Variants in RAP1A observed in about 807,000 individuals in gnomAD.
RAP1A encodes the protein RAP1A, member of RAS oncogene family, also known as ras-related protein Rap-1A.
Under a neutral mutation model 26.4 loss-of-function variants are expected in RAP1A, and 6 were observed. The observed-to-expected ratio is 0.23, with a 90% CI of 0.12 to 0.45. RAP1A has a LOEUF of 0.45. Ranked by LOEUF, RAP1A falls within the 20% of genes least tolerant of loss-of-function variation. The pLI, the probability that RAP1A is intolerant of heterozygous loss-of-function variation, is 0.99. For synonymous variants in RAP1A, 73 were observed against 79.4 expected (o/e 0.92, Z 0.43); for missense variants, 121 against 217.2 (o/e 0.56, Z 2.78).
At chr1:111,708,771 A>ATG (rs1662279390) in intron 6 of RAP1A, among the ~76,000 whole-genome samples, 1 of 152,110 alleles carries the variant, frequency 6.6e-6, no homozygotes, top group African/African-American at 2.4e-5. Context: ...GTGTGTGTGC[A>ATG]CGTGTGTGTG....
intron 1 of RAP1A, among the ~76,000 whole-genome samples, chr1:111,632,015 T>G (rs1016598453): frequency 1.3e-5 from 2 of 152,186 alleles, no homozygotes. Flanking sequence ...TATTCTGAAA[T>G]GAGGTGATGG....
intron 1 of RAP1A, among the ~76,000 whole-genome samples, chr1:111,652,017 A>T (rs2101137879): frequency 6.6e-6 from 1 of 151,962 alleles, no homozygotes; most frequent in East Asian, 1.9e-4. Context: ...TCTGTCACCC[A>T]GGCTAAAGTG....
intron 1 of RAP1A, among the ~76,000 whole-genome samples, chr1:111,670,315 T>C (rs1263564137): frequency 2.6e-5 from 4 of 151,052 alleles, no homozygotes; most frequent in Non-Finnish European, 5.9e-5. Flanking sequence ...CTACCAAAAA[T>C]ACAAAAAAAT....
chr1:111,612,741 G>A (rs550406384), intron 1 of RAP1A, among the ~76,000 whole-genome samples: 1 of 152,176 alleles, frequency 6.6e-6, no homozygotes, highest in South Asian at 2.1e-4. Context: ...TTACAAACCT[G>A]GATGTTTATA....
intron 1 of RAP1A, among the ~76,000 whole-genome samples, chr1:111,592,890 T>C (rs1658494870): frequency 6.6e-6 from 1 of 152,070 alleles, no homozygotes; most frequent in South Asian, 2.1e-4. Context: ...GTAAAGTGGC[T>C]GAAGAGTAAT....
At chr1:111,653,966 A>G (rs1660368245) in intron 1 of RAP1A, among the ~76,000 whole-genome samples, 2 of 152,194 alleles carry the variant, frequency 1.3e-5, no homozygotes, top group African/African-American at 4.8e-5. Context: ...GAGAAGTGGC[A>G]AGATGTAAGT....
intron 1 of RAP1A, among the ~76,000 whole-genome samples, chr1:111,650,753 A>G (rs144897521): frequency 5.3e-5 from 8 of 152,070 alleles, no homozygotes; most frequent in Middle Eastern, 3.4e-3. Flanking sequence ...TGTATATTCT[A>G]TGGGTTTGGA....
At chr1:111,658,140 G>A (rs555691015) in intron 1 of RAP1A, among the ~76,000 whole-genome samples, 85 of 152,200 alleles carry the variant, frequency 5.6e-4, no homozygotes, top group African/African-American at 1.6e-3. Flanking sequence ...GGATACGTTC[G>A]GAGAAATATA....
chr1:111,642,413 T>C (rs1659918528), intron 1 of RAP1A, among the ~76,000 whole-genome samples: 1 of 152,154 alleles, frequency 6.6e-6, no homozygotes, highest in Non-Finnish European at 1.5e-5. Flanking sequence ...TGTAGTCTAT[T>C]TTCTAACATT....
intron 1 of RAP1A, among the ~76,000 whole-genome samples, chr1:111,683,466 A>G (rs920497731): frequency 6.6e-6 from 1 of 152,224 alleles, no homozygotes; most frequent in African/African-American, 2.4e-5. Context: ...ATGCAATAAA[A>G]AGTGATAAAG....
intron 1 of RAP1A, among the ~76,000 whole-genome samples, chr1:111,665,593 G>A (rs1660777497): frequency 6.6e-6 from 1 of 152,116 alleles, no homozygotes; most frequent in Non-Finnish European, 1.5e-5. Flanking sequence ...TTAAGTAGAT[G>A]GTAATACATT....
intron 1 of RAP1A, among the ~76,000 whole-genome samples, chr1:111,582,401 T>C (rs147830234): frequency 6.6e-6 from 1 of 152,352 alleles, no homozygotes; most frequent in Non-Finnish European, 1.5e-5. Flanking sequence ...CCCTATCCTC[T>C]GTTTTACACT....
intron 2 of RAP1A, among the ~76,000 whole-genome samples, chr1:111,693,650 G>A (rs1347788465): frequency 6.6e-6 from 1 of 152,188 alleles, no homozygotes; most frequent in African/African-American, 2.4e-5. Context: ...TCTTATTAAT[G>A]TCTGGCTTAT....
intron 1 of RAP1A, among the ~76,000 whole-genome samples, chr1:111,651,600 C>T (rs892708609): frequency 5.9e-5 from 9 of 151,858 alleles, no homozygotes; most frequent in African/African-American, 2.2e-4. Flanking sequence ...CCTTAGCCTC[C>T]CGAGTAGCTG....
intron 1 of RAP1A, among the ~76,000 whole-genome samples, chr1:111,665,202 A>G (rs1660765355): frequency 6.6e-6 from 1 of 152,196 alleles, no homozygotes; most frequent in Admixed American, 6.5e-5. Flanking sequence ...TTAGCTGGAT[A>G]ATAGTTTGAA....
intron 1 of RAP1A, among the ~76,000 whole-genome samples, chr1:111,621,922 C>T (rs552638289): frequency 1.3e-5 from 2 of 152,148 alleles, no homozygotes; most frequent in Admixed American, 1.3e-4. Flanking sequence ...CTTAATATAC[C>T]CCAGAAGACA....
chr1:111,613,321 T>A (rs1658958574), intron 1 of RAP1A, among the ~76,000 whole-genome samples: 1 of 152,084 alleles, frequency 6.6e-6, no homozygotes, highest in Non-Finnish European at 1.5e-5. Context: ...TGCCTCAGCC[T>A]CCCGAGTAGC....
chr1:111,623,409 C>G (rs141965934), intron 1 of RAP1A, among the ~76,000 whole-genome samples: 18 of 150,896 alleles, frequency 1.2e-4, no homozygotes, highest in African/African-American at 3.4e-4. Flanking sequence ...TGTGACCGCC[C>G]CATGTTTTGT....
chr1:111,630,716 G>A (rs1285530049), intron 1 of RAP1A, among the ~76,000 whole-genome samples: 2 of 152,170 alleles, frequency 1.3e-5, no homozygotes, highest in African/African-American at 4.8e-5. Flanking sequence ...GAAAGGGCCC[G>A]TTGGTGCAAA....
Sources: gnomAD v4.1 joint callset for allele counts (sites outside exome capture counted in the v4.1 genomes callset) on GRCh38, gnomAD v4.1.1 for gene constraint, MANE v1.5 for transcripts, NCBI Gene and HGNC (gene_info 2026-07-23, HGNC 2026-07-21) for gene names.